Variants in FAM153A observed in about 807,000 individuals in gnomAD.
FAM153A encodes the protein protein FAM153A.
Under a neutral mutation model 48.1 loss-of-function variants are expected in FAM153A, and 12 were observed. The observed-to-expected ratio is 0.25, with a 90% CI of 0.16 to 0.40. FAM153A has a LOEUF of 0.40. FAM153A is among the 10% of genes least tolerant of loss of function. The pLI is 1.00. For synonymous variants in FAM153A, 36 were observed against 118.2 expected (o/e 0.30, Z 4.51); for missense variants, 111 against 345.8 (o/e 0.32, Z 5.38).
chr5:177,760,234 C>CT lies in FAM153A; in HGVS notation c.-56-11536_-56-11535insA, dbSNP rs1337707844. On this transcript the variant is annotated intron_variant, in intron 1 of 8. Transcript: ENST00000393518. ...TCTCTTAATGCCAAATTGGGAAAGA[C>CT]CTTTTTTTTTTTTTTTTTTTGAGAT... Among the ~76,000 whole-genome samples, 28 of 96,858 alleles carry CT rather than the reference C, an allele frequency of 2.9e-4. 1 individual carries two copies. Among genetic ancestry groups the CT allele is most frequent in the African/African-American group, 1.1e-3 (25 of 23,784 alleles). 63.5% of individuals were successfully genotyped at this position (96,858 alleles called of 152,430 possible).
At chr5:177,716,724 G>T in intron 24 of FAM153A, among the ~76,000 whole-genome samples, 1 of 151,860 alleles carries the variant, frequency 6.6e-6, no homozygotes, top group Non-Finnish European at 1.5e-5. Flanking sequence ...AATGGCCACA[G>T]ATTGACATAT....
At chr5:177,718,794 A>G (rs1169981005), downstream of FAM153A, among the ~76,000 whole-genome samples, 3 of 145,492 alleles carry the variant, frequency 2.1e-5, no homozygotes, top group Non-Finnish European at 4.6e-5. Context: ...AGTCAATAAA[A>G]TTAAGAAAAA....
At chr5:177,756,098 G>A (rs879842672), upstream of FAM153A, among the ~76,000 whole-genome samples, 34 of 150,094 alleles carry the variant, frequency 2.3e-4, no homozygotes, top group East Asian at 3.5e-3. Flanking sequence ...CCCATCTCAC[G>A]TGCAGAGACA....
chr5:177,714,195 A>T (rs1349891665), intron 25 of FAM153A: 1 of 150,630 alleles, frequency 6.6e-6, no homozygotes, highest in Non-Finnish European at 1.5e-5. Flanking sequence ...CAAAAAAGGG[A>T]TTGATTTATG....
At chr5:177,699,104 T>C in the FAM153A span, among the ~76,000 whole-genome samples, 2 of 151,934 alleles carry the variant, frequency 1.3e-5, no homozygotes, top group Admixed American at 6.6e-5. Context: ...CCTGGCTTAC[T>C]ATCCCATATT....
Position 177,771,658 on chromosome 5 carries a change from C to T in FAM153A, c.-57+8791G>A, listed in dbSNP as rs1274493300. 2.1e-5 allele frequency among the ~76,000 whole-genome samples: 2 copies of T among 96,320 alleles called. 1 individual carries two copies. Among genetic ancestry groups the T allele is most frequent in the Non-Finnish European group, 4.3e-5 (2 of 46,666 alleles). 63.2% of individuals were successfully genotyped at this position (96,320 alleles called of 152,430 possible). ...TGGAATTGGGAGGGTTCCCACCATG[C>T]CCTAAGACTGGTCACCGTGTCTAAA... On this transcript the variant is annotated intron_variant, in intron 1 of 8. Transcript: ENST00000393518.
chr5:177,707,260 C>G (rs563737557), downstream of FAM153A, among the ~76,000 whole-genome samples: 3 of 151,934 alleles, frequency 2.0e-5, no homozygotes, highest in Admixed American at 2.0e-4. Flanking sequence ...ACAGAACATT[C>G]TCCAGGATAG....
At chr5:177,703,612 G>A (rs1265007807), downstream of FAM153A, among the ~76,000 whole-genome samples, 1 of 148,240 alleles carries the variant, frequency 6.7e-6, no homozygotes, top group African/African-American at 2.5e-5. Context: ...CGGGCATGGT[G>A]GGGGGTGATT....
At chr5:177,710,144 C>T (rs1243715364), downstream of FAM153A, among the ~76,000 whole-genome samples, 2 of 149,288 alleles carry the variant, frequency 1.3e-5, no homozygotes, top group Admixed American at 6.7e-5. Flanking sequence ...GACGGAGTCT[C>T]ACCTGTAGCC....
chr5:177,702,205 G>A, the FAM153A span, among the ~76,000 whole-genome samples: 5 of 151,962 alleles, frequency 3.3e-5, 1 homozygote, highest in South Asian at 1.0e-3. Flanking sequence ...ACCGCGCCTG[G>A]CCAAAGGTCA....
downstream of FAM153A, among the ~76,000 whole-genome samples, chr5:177,721,525 C>CTT (rs1387327428): frequency 9.6e-3 from 1,098 of 113,850 alleles, 14 homozygotes; most frequent in African/African-American, 0.036. Flanking sequence ...CGTTAATAAA[C>CTT]TTTTCTTTTT....
At chr5:177,698,373 T>G in the FAM153A span, among the ~76,000 whole-genome samples, 1 of 151,980 alleles carries the variant, frequency 6.6e-6, no homozygotes, top group Non-Finnish European at 1.5e-5. Flanking sequence ...TGCATTCTTG[T>G]TCTGCATAAT....
chr5:177,737,736 T>G (rs1162933364), intron 10 of FAM153A, among the ~76,000 whole-genome samples: 6 of 151,660 alleles, frequency 4.0e-5, no homozygotes, highest in African/African-American at 7.3e-5. Flanking sequence ...GTCAGCCTGG[T>G]TTCGAACGCC....
the FAM153A span, among the ~76,000 whole-genome samples, chr5:177,702,555 A>T: frequency 6.6e-6 from 1 of 151,940 alleles, no homozygotes; most frequent in Non-Finnish European, 1.5e-5. Flanking sequence ...AAGTGCTAAT[A>T]GCCAAGACAA....
chr5:177,753,381 A>G, upstream of FAM153A: 1 of 494,172 alleles, frequency 2.0e-6, no homozygotes, highest in Non-Finnish European at 3.6e-6. Flanking sequence ...GATCTAGACC[A>G]GTCCATTGTC....
chr5:177,756,342 C>G (rs1409860264), upstream of FAM153A, among the ~76,000 whole-genome samples: 65 of 148,126 alleles, frequency 4.4e-4, no homozygotes, highest in Middle Eastern at 0.01. Flanking sequence ...AAAGCAAGTC[C>G]TTAGAGACCT....
the FAM153A span, among the ~76,000 whole-genome samples, chr5:177,698,883 C>T: frequency 6.6e-6 from 1 of 151,830 alleles, no homozygotes; most frequent in Non-Finnish European, 1.5e-5. Context: ...GTCTTGAACT[C>T]CTGAACTCAA....
chr5:177,695,833 G>A, the FAM153A span, among the ~76,000 whole-genome samples: 1 of 144,488 alleles, frequency 6.9e-6, no homozygotes, highest in Non-Finnish European at 1.5e-5. Context: ...CTCACTCCTA[G>A]ATGGGGAGGC....
chr5:177,701,686 G>A, the FAM153A span, among the ~76,000 whole-genome samples: 1 of 151,842 alleles, frequency 6.6e-6, no homozygotes, highest in African/African-American at 2.4e-5. Flanking sequence ...TTACTGTAAA[G>A]ATAGCTGAAA....
Sources: gnomAD v4.1 joint callset for allele counts (sites outside exome capture counted in the v4.1 genomes callset) on GRCh38, gnomAD v4.1.1 for gene constraint, MANE v1.5 for transcripts, NCBI Gene and HGNC (gene_info 2026-07-23, HGNC 2026-07-21) for gene names.